Variants in KAZN observed in about 807,000 individuals in gnomAD.
The protein encoded by KAZN is kazrin.
A neutral mutation model predicts 87.4 loss-of-function variants in KAZN; 40 were observed. The ratio of observed to expected loss-of-function variants is 0.46; its 90% confidence interval spans 0.36 to 0.60. The LOEUF (loss-of-function observed/expected upper bound fraction) is 0.60. KAZN is among the 20% of genes least tolerant of loss of function. The pLI, the probability that KAZN is intolerant of heterozygous loss-of-function variation, is 0.00. For synonymous variants in KAZN, 466 were observed against 458.3 expected, an observed-to-expected ratio of 1.02 and a Z score of -0.22; for missense variants, 898 against 1,073.9, an observed-to-expected ratio of 0.84 and a Z score of 2.29.
chr1:14,546,433 C>T (rs902121246), intron 2 of KAZN, among the ~76,000 whole-genome samples: 3 of 151,688 alleles, frequency 2.0e-5, no homozygotes. Context: ...AATGTGAGGG[C>T]CTTTTTTTTT....
At chr1:14,684,521 G>T (rs1449137253) in intron 1 of KAZN, among the ~76,000 whole-genome samples, 1 of 152,168 alleles carries the variant, frequency 6.6e-6, no homozygotes, top group Non-Finnish European at 1.5e-5. Context: ...ATTCTTTTAT[G>T]GTTCTGGAGG....
chr1:14,373,783 G>T (rs949987323), intron 2 of KAZN, among the ~76,000 whole-genome samples: 2 of 152,188 alleles, frequency 1.3e-5, no homozygotes, highest in African/African-American at 4.8e-5. Flanking sequence ...TGTGTAAGAT[G>T]AAAAGATGGC....
intron 2 of KAZN, among the ~76,000 whole-genome samples, chr1:14,243,990 A>G (rs942008947): frequency 6.6e-6 from 1 of 152,254 alleles, no homozygotes; most frequent in African/African-American, 2.4e-5. Context: ...CAAGAGAGAC[A>G]TGCAGAGTTG....
chr1:14,238,613 G>A (rs188992844), intron 2 of KAZN, among the ~76,000 whole-genome samples: 194 of 152,360 alleles, frequency 1.3e-3, no homozygotes, highest in African/African-American at 4.4e-3. Flanking sequence ...TTGGCCATCC[G>A]GGCTGGAGCC....
At chr1:15,005,269 C>T (rs1668885166) in intron 2 of KAZN, among the ~76,000 whole-genome samples, 1 of 152,190 alleles carries the variant, frequency 6.6e-6, no homozygotes, top group Non-Finnish European at 1.5e-5. Context: ...GGGCATGGAC[C>T]CAGCCCCTAG....
intron 2 of KAZN, among the ~76,000 whole-genome samples, chr1:14,546,922 A>G (rs956073210): frequency 1.3e-5 from 2 of 152,160 alleles, no homozygotes; most frequent in Admixed American, 1.3e-4. Flanking sequence ...AGTTCACCTT[A>G]AAAAGCATCT....
intron 1 of KAZN, among the ~76,000 whole-genome samples, chr1:14,765,727 G>A (rs1270956285): frequency 1.3e-5 from 2 of 152,150 alleles, no homozygotes; most frequent in Non-Finnish European, 2.9e-5. Context: ...GAGTCCTCAA[G>A]CCAAAGTCAC....
At chr1:14,534,414 G>A (rs1399389579) in intron 2 of KAZN, among the ~76,000 whole-genome samples, 1 of 152,154 alleles carries the variant, frequency 6.6e-6, no homozygotes, top group African/African-American at 2.4e-5. Flanking sequence ...GGAGGCCGAG[G>A]CAGGCAGATC....
intron 1 of KAZN, among the ~76,000 whole-genome samples, chr1:14,019,084 G>T (rs1162240215): frequency 6.6e-6 from 1 of 152,086 alleles, no homozygotes; most frequent in East Asian, 1.9e-4. Context: ...CTAATATATA[G>T]ATTTAATTAG....
At chr1:14,651,640 T>C (rs1255384362) in intron 1 of KAZN, among the ~76,000 whole-genome samples, 1 of 152,238 alleles carries the variant, frequency 6.6e-6, no homozygotes, top group Non-Finnish European at 1.5e-5. Flanking sequence ...GAAGCATTGT[T>C]GAAAAGAACA....
In KAZN at chr1:14,676,158, C is replaced by T. The variant is rs867334142; in HGVS notation, c.226+76935C>T. On this transcript the variant is annotated intron_variant, in intron 1 of 14. Coordinates refer to ENST00000376030, the MANE Select transcript of KAZN (RefSeq NM_201628.3). The stretch of plus-strand genomic sequence containing the variant: ...GTTTGAAAGAGCTGTTTTCCCTCCT[C>T]GGATGCTGGCATTGATCCACTTTGA... Among the ~76,000 whole-genome samples, 9 of 152,272 alleles carry T rather than the reference C, an allele frequency of 5.9e-5. No homozygotes were observed. The East Asian group carries it at 1.2e-3, about 20-fold the overall frequency.
At chr1:14,897,222 A>G (rs747860709) in intron 1 of KAZN, among the ~76,000 whole-genome samples, 4 of 152,166 alleles carry the variant, frequency 2.6e-5, no homozygotes, top group African/African-American at 7.2e-5. Context: ...CCCAGGAAGA[A>G]CTTCTCCAGC....
Position 15,077,742 on chromosome 1 carries a change from C to T in KAZN, c.1222+11989C>T, listed in dbSNP as rs1411377672. 1.3e-5 allele frequency among the ~76,000 whole-genome samples: 2 copies of T among 152,160 alleles called. No homozygotes were observed. Among genetic ancestry groups the T allele is most frequent in the South Asian group, 2.1e-4 (1 of 4,826 alleles). ...TTATCCAAGAAATCCCAGGAGGCTG[C>T]GCAGTTATCAGCATGAAAAGCAGCT... On this transcript the variant is annotated intron_variant, in intron 8 of 14. Transcript: ENST00000376030. The surrounding 1 kb of genome is among the most constrained non-coding windows in gnomAD (Gnocchi z 4.8).
chr1:14,162,516 A>C (rs191008562), intron 1 of KAZN, among the ~76,000 whole-genome samples: 15 of 145,136 alleles, frequency 1.0e-4, no homozygotes, highest in Middle Eastern at 7.0e-3. Flanking sequence ...TTATAGCTAC[A>C]CTCTTGGTTT....
At chr1:14,737,056 G>A (rs913080207) in intron 1 of KAZN, among the ~76,000 whole-genome samples, 2 of 152,214 alleles carry the variant, frequency 1.3e-5, no homozygotes, top group Non-Finnish European at 2.9e-5. Context: ...TGGCAAGAGG[G>A]AATATTGCAG....
chr1:14,754,064 C>A (rs4357518), intron 1 of KAZN, among the ~76,000 whole-genome samples: 67,986 of 152,042 alleles, frequency 0.45, 15,899 homozygotes, highest in Middle Eastern at 0.52. Context: ...GACCAATCGA[C>A]GTAGGCTGTG....
At position 15,099,221 on chromosome 1, in the gene KAZN, C is replaced by T. The variant is rs1640938396; in HGVS notation, c.1548-2322C>T. ...GGAGAGTGAAGCCAAGCTGCAAGCC[C>T]ATCCTGCTCTTAGCCATTATTCCAG... On this transcript the variant is annotated intron_variant, in intron 10 of 14. Transcript: ENST00000376030. The surrounding 1 kb of genome is among the most constrained non-coding windows in gnomAD (Gnocchi z 5.4). 6.6e-6 allele frequency among the ~76,000 whole-genome samples: 1 copy of T among 152,204 alleles called. No individual in the cohort carries two copies. The highest frequency in any genetic ancestry group is 2.1e-4 in the South Asian group (1 of 4,832).
At chr1:14,011,399 T>G (rs1640305949) in intron 1 of KAZN, among the ~76,000 whole-genome samples, 1 of 152,210 alleles carries the variant, frequency 6.6e-6, no homozygotes, top group Admixed American at 6.5e-5. Flanking sequence ...TTCCCCAGTC[T>G]TCACCTGGCT....
chr1:14,512,146 A>G (rs1268524922), intron 2 of KAZN, among the ~76,000 whole-genome samples: 2 of 152,166 alleles, frequency 1.3e-5, no homozygotes, highest in African/African-American at 2.4e-5. Flanking sequence ...TCCACAGTAG[A>G]CCACAGCACT....
Sources: allele counts gnomAD v4.1 joint callset (sites outside exome capture counted in the v4.1 genomes callset), GRCh38; gene constraint gnomAD v4.1.1; non-coding constraint Gnocchi (gnomAD v3.1); transcripts MANE v1.5; gene names NCBI Gene and HGNC (gene_info 2026-07-23, HGNC 2026-07-21).